CRISP1: variants seen among roughly 807,000 people sequenced by gnomAD.
CRISP1 encodes cysteine rich secretory protein 1.
Under a neutral mutation model 33.1 loss-of-function variants are expected in CRISP1, and 44 were observed. That is an observed-to-expected ratio of 1.33 (90% CI 1.05 to 1.71). CRISP1 has a LOEUF of 1.71. CRISP1 is among the 40% of genes most tolerant of loss of function. The pLI is 0.00. For missense variants in CRISP1, 390 were observed against 301.2 expected, an observed-to-expected ratio of 1.29 and a Z score of -2.18; for synonymous variants, 103 against 98.7, an observed-to-expected ratio of 1.04 and a Z score of -0.26.
At chr6:49,838,622 T>C (rs1301436909) in intron 6 of CRISP1, 97 bp from the exon 7 acceptor site, 1 of 798,450 alleles carries the variant, frequency 1.3e-6, no homozygotes, top group Non-Finnish European at 2.0e-6. Context: ...ACAAATTGTG[T>C]AAACATTCTT....
At chr6:49,838,626 C>A in intron 6 of CRISP1, 101 bp from the exon 7 acceptor site, 1 of 779,906 alleles carries the variant, frequency 1.3e-6, no homozygotes, top group Non-Finnish European at 2.1e-6. Context: ...ATTGTGTAAA[C>A]ATTCTTGTAA....
intron 7 of CRISP1, 140 bp downstream of exon 7, chr6:49,838,297 G>C: frequency 1.5e-6 from 1 of 648,796 alleles, no homozygotes; most frequent in South Asian, 2.0e-5. Flanking sequence ...CAATTGGGGA[G>C]GGGTAAGCAG....
chr6:49,845,167 T>A (rs1345715023), intron 5 of CRISP1, among the ~76,000 whole-genome samples: 1 of 152,120 alleles, frequency 6.6e-6, no homozygotes, highest in African/African-American at 2.4e-5. Context: ...ATAATTAAGA[T>A]TAAATAAAGT....
intron 5 of CRISP1, among the ~76,000 whole-genome samples, chr6:49,844,412 C>T (rs1181566585): frequency 6.6e-6 from 1 of 152,152 alleles, no homozygotes; most frequent in African/African-American, 2.4e-5. Context: ...AAGAATGACT[C>T]CCCAAATGTT....
intron 5 of CRISP1, among the ~76,000 whole-genome samples, chr6:49,841,839 A>G (rs537402399): frequency 2.0e-5 from 3 of 152,114 alleles, no homozygotes; most frequent in Non-Finnish European, 2.9e-5. Flanking sequence ...TCATTTTCTC[A>G]GCTGTAAAAT....
upstream of CRISP1, among the ~76,000 whole-genome samples, chr6:49,868,439 C>T (rs1582287288): frequency 6.6e-6 from 1 of 152,154 alleles, no homozygotes; most frequent in East Asian, 1.9e-4. Flanking sequence ...TAGATAAAGG[C>T]TAATGTGTTT....
chr6:49,872,815 A>T (rs1554151059), intron 1 of CRISP1, among the ~76,000 whole-genome samples: 1 of 152,122 alleles, frequency 6.6e-6, no homozygotes, highest in Non-Finnish European at 1.5e-5. Context: ...CTTGCAGTAT[A>T]GTTTGAAGTC....
At position 49,864,384 on chromosome 6, in the gene CRISP1, C is replaced by CTGTGTGTG. The variant is rs3997164; in HGVS notation, c.-3+2037_-3+2044dup. The stretch of plus-strand genomic sequence containing the variant: ...TTTTAGTAAACACTGTTGCTATTCA[C>CTGTGTGTG]TGTGTGTGTGTGTGTGTGTGTGTGT... On this transcript the variant is annotated intron_variant, in intron 1 of 7. Transcript: ENST00000335847. 8.9e-3 allele frequency among the ~76,000 whole-genome samples: 1,271 copies of CTGTGTGTG among 142,348 alleles called. 7 individuals carry two copies. The highest frequency in any genetic ancestry group is 0.013 in the Non-Finnish European group (840 of 64,804). 93.4% of individuals were successfully genotyped at this position (142,348 alleles called of 152,430 possible). A position where few individuals can be genotyped will look rare whatever the true frequency, so the allele number is the denominator to read the frequency against.
At chr6:49,865,146 GAT>G (rs1771766428) in intron 1 of CRISP1, among the ~76,000 whole-genome samples, 1 of 152,078 alleles carries the variant, frequency 6.6e-6, no homozygotes. Flanking sequence ...CACAAATACA[GAT>G]AAATGGACCA....
intron 5 of CRISP1, among the ~76,000 whole-genome samples, chr6:49,843,308 T>C (rs1302090903): frequency 6.6e-6 from 1 of 152,172 alleles, no homozygotes; most frequent in Non-Finnish European, 1.5e-5. Flanking sequence ...TAAAAGAAAA[T>C]GCTATTTACT....
chr6:49,867,044 ACTT>A (rs1771816103), upstream of CRISP1, among the ~76,000 whole-genome samples: 1 of 152,150 alleles, frequency 6.6e-6, no homozygotes, highest in South Asian at 2.1e-4. Flanking sequence ...TAAAAGGAAA[ACTT>A]CTGCAATTTG....
chr6:49,859,147 G>A (rs952638159), intron 1 of CRISP1, among the ~76,000 whole-genome samples: 1 of 151,940 alleles, frequency 6.6e-6, no homozygotes, highest in Non-Finnish European at 1.5e-5. Context: ...GAGTTGCCTG[G>A]AGCCTGCCCA....
At chr6:49,872,762 C>A (rs1020821315) in intron 1 of CRISP1, among the ~76,000 whole-genome samples, 2 of 152,052 alleles carry the variant, frequency 1.3e-5, no homozygotes, top group African/African-American at 2.4e-5. Flanking sequence ...TGGTCTATAT[C>A]TCTTTTTTGG....
chr6:49,855,272 A>G (rs1486132811), intron 2 of CRISP1, among the ~76,000 whole-genome samples: 1 of 152,088 alleles, frequency 6.6e-6, no homozygotes, highest in Non-Finnish European at 1.5e-5. Flanking sequence ...GCATTCTCCA[A>G]TCATCATTCG....
intron 2 of CRISP1, among the ~76,000 whole-genome samples, 176 bp downstream of exon 2, chr6:49,857,159 C>T (rs1376920160): frequency 6.6e-6 from 1 of 152,142 alleles, no homozygotes; most frequent in African/African-American, 2.4e-5. Context: ...CTTTGGTTCT[C>T]TCCTTTATAA....
In CRISP1 at chr6:49,866,422, A is replaced by G. The variant is rs1771799184; in HGVS notation, c.-3+7T>C. 6.6e-6 allele frequency: 1 copy of G among 152,144 alleles called. No individual in the cohort carries two copies. Among genetic ancestry groups the G allele is most frequent in the Non-Finnish European group, 1.5e-5 (1 of 68,022 alleles). The allele number at this position is 152,144 out of a possible 1,614,324, so 9.4% of individuals were successfully genotyped here. A position where few individuals can be genotyped will look rare whatever the true frequency, so the allele number is the denominator to read the frequency against. ...AAAGAAACTGACAAAGATATTATAT[A>G]ACTTACCCAAGTCCACACAGCCTTT... On this transcript the variant is annotated splice_region_variant and intron_variant, in intron 1 of 7. Transcript: ENST00000335847.
intron 5 of CRISP1, among the ~76,000 whole-genome samples, chr6:49,843,463 G>T (rs991318207): frequency 3.3e-5 from 5 of 152,078 alleles, no homozygotes; most frequent in Non-Finnish European, 5.9e-5. Context: ...CTTACCAATG[G>T]GCACATGTGA....
chr6:49,854,138 C>G (rs1378674053), intron 2 of CRISP1, among the ~76,000 whole-genome samples: 4 of 152,104 alleles, frequency 2.6e-5, no homozygotes, highest in Non-Finnish European at 5.9e-5. Flanking sequence ...ACTGTCTCAC[C>G]CAGTCTGTCA....
chr6:49,858,619 A>G (rs1364875322), intron 1 of CRISP1, among the ~76,000 whole-genome samples: 3 of 152,104 alleles, frequency 2.0e-5, no homozygotes, highest in African/African-American at 4.8e-5. Context: ...ACTCTTTTTC[A>G]TCTATTTCCT....
Sources: allele counts gnomAD v4.1 joint callset (sites outside exome capture counted in the v4.1 genomes callset), GRCh38; gene constraint gnomAD v4.1.1; transcripts MANE v1.5; gene names NCBI Gene and HGNC (gene_info 2026-07-23, HGNC 2026-07-21).